SOCS6: variants seen among roughly 807,000 people sequenced by gnomAD.
SOCS6 encodes suppressor of cytokine signaling 6.
Under a neutral mutation model 27.7 loss-of-function variants are expected in SOCS6, and 5 were observed. That is an observed-to-expected ratio of 0.18 (90% CI 0.09 to 0.38). The LOEUF (loss-of-function observed/expected upper bound fraction) is 0.38. SOCS6 is among the 10% of genes least tolerant of loss of function. The pLI, the probability that SOCS6 is intolerant of heterozygous loss-of-function variation, is 1.00. For missense variants in SOCS6, 595 were observed against 688.1 expected, an observed-to-expected ratio of 0.86 and a Z score of 1.51; for synonymous variants, 271 against 260.0, an observed-to-expected ratio of 1.04 and a Z score of -0.41.
intron 1 of SOCS6, among the ~76,000 whole-genome samples, chr18:70,315,931 C>T (rs1218050285): frequency 1.3e-5 from 2 of 151,826 alleles, no homozygotes; most frequent in African/African-American, 4.8e-5. Context: ...AGTGCAGTGG[C>T]GCGATCTTGG....
Position 70,325,094 on chromosome 18 carries a change from A to G in SOCS6, c.426A>G (p.Thr142=), listed in dbSNP as rs1911145600. ...YSPAPWPLRP[T]NSEETCIKME... ...CCGCGCCGTGGCCTCTGCGGCCCACAAACTCCGAGGAGACCTGCATCAAGA... is the reference window on the plus strand; with the variant it reads ...CCGCGCCGTGGCCTCTGCGGCCCACGAACTCCGAGGAGACCTGCATCAAGA... The change falls in exon 2 of 2, where the codon ACA becomes ACG. Residue 142 remains threonine (T), a synonymous_variant. Transcript: ENST00000397942. The surrounding 1 kb of genome is among the most constrained non-coding windows in gnomAD (Gnocchi z 6.3). The G allele has an allele frequency of 1.2e-6, 2 of 1,613,986 alleles. No individual in the cohort carries two copies. The highest frequency in any genetic ancestry group is 1.7e-6 in the Non-Finnish European group (2 of 1,180,052).
In SOCS6 at chr18:70,329,468, G is replaced by T. The variant is rs983505220; in HGVS notation, c.*3192G>T. 6.0e-6 allele frequency: 1 copy of T among 167,064 alleles called. No individual in the cohort carries two copies. 10.3% of individuals were successfully genotyped at this position (167,064 alleles called of 1,614,324 possible). On this transcript the variant is annotated 3_prime_UTR_variant, in exon 2 of 2. Transcript: ENST00000397942. ...TGCAATGTCTCTGCTAGTGCTACAA[G>T]TCTAAAATATCTTTGTAACAATGCT...
At chr18:70,296,895 T>C (rs2062325546) in intron 1 of SOCS6, among the ~76,000 whole-genome samples, 1 of 118,560 alleles carries the variant, frequency 8.4e-6, no homozygotes, top group Non-Finnish European at 1.8e-5. Context: ...TTTCATTTTC[T>C]CATTTTCTTT....
intron 1 of SOCS6, among the ~76,000 whole-genome samples, chr18:70,320,560 T>C (rs777508221): frequency 2.0e-5 from 3 of 152,184 alleles, no homozygotes; most frequent in Non-Finnish European, 2.9e-5. Flanking sequence ...CAGTAAGATA[T>C]TTTGCGAGAG....
chr18:70,321,311 A>ACTT, intron 1 of SOCS6, among the ~76,000 whole-genome samples: 1 of 72,630 alleles, frequency 1.4e-5, no homozygotes. Context: ...AAATTTTCTC[A>ACTT]GTTTTTTTTT....
intron 1 of SOCS6, among the ~76,000 whole-genome samples, chr18:70,300,439 A>G (rs1261600024): frequency 2.0e-5 from 3 of 152,110 alleles, no homozygotes; most frequent in Non-Finnish European, 2.9e-5. Flanking sequence ...TCATTAATCA[A>G]TTCTTATAAG....
At chr18:70,291,905 A>C (rs1465987364) in intron 1 of SOCS6, among the ~76,000 whole-genome samples, 3 of 152,228 alleles carry the variant, frequency 2.0e-5, no homozygotes, top group Non-Finnish European at 2.9e-5. Flanking sequence ...TCAGCTGTTA[A>C]AAGAGGAACA....
chr18:70,303,531 C>T (rs2062357136), intron 1 of SOCS6, among the ~76,000 whole-genome samples: 1 of 152,134 alleles, frequency 6.6e-6, no homozygotes, highest in Non-Finnish European at 1.5e-5. Context: ...CGGTGGCTCA[C>T]ACCTGTAATC....
intron 1 of SOCS6, among the ~76,000 whole-genome samples, chr18:70,321,158 C>T (rs1031145053): frequency 2.0e-5 from 3 of 151,578 alleles, no homozygotes; most frequent in South Asian, 2.1e-4. Context: ...CCTATAGTAC[C>T]AACTGCTCAG....
rs542106064 is a variant in SOCS6 at position 70,325,266 on chromosome 18, G to C, written c.598G>C (p.Asp200His). ...GAAGAGCTCGGCTTCTCATAATGGA[G>C]ACCTGCATCTTCACCTGGATGAACA... ...SLKSSASHNG[D>H]LHLHLDEHVP... Residue 200 changes from aspartate to histidine, a missense_variant, in exon 2 of 2, where the codon GAC (aspartate) becomes CAC (histidine). By Grantham distance (81) the Asp-to-His change is moderately conservative. This residue lies in a region of SOCS6 where 467 missense variants were observed against 481.1 expected (regional missense o/e 0.97). Coordinates refer to ENST00000397942, the MANE Select transcript of SOCS6 (RefSeq NM_004232.4). This position sits in a 1 kb window ranked among gnomAD's most constrained non-coding sequence, Gnocchi z 6.3. 6.2e-7 allele frequency: 1 copy of C among 1,614,202 alleles called. No individual in the cohort carries two copies. Among genetic ancestry groups the C allele is most frequent in the Non-Finnish European group, 8.5e-7 (1 of 1,180,028 alleles).
chr18:70,321,788 G>A (rs1198259788), intron 1 of SOCS6, among the ~76,000 whole-genome samples: 1 of 152,156 alleles, frequency 6.6e-6, no homozygotes, highest in Middle Eastern at 3.2e-3. Context: ...AGGTAGGACA[G>A]GTTGGCATAG....
At chr18:70,318,836 T>C (rs1358788675) in intron 1 of SOCS6, among the ~76,000 whole-genome samples, 1 of 151,970 alleles carries the variant, frequency 6.6e-6, no homozygotes, top group Non-Finnish European at 1.5e-5. Flanking sequence ...CTCAGGAGGC[T>C]GAGGCAGGAG....
In SOCS6 at chr18:70,326,567, G is replaced by A. The variant is rs1348461573; in HGVS notation, c.*291G>A. The A allele has an allele frequency of 2.9e-5, 10 of 343,024 alleles. No homozygotes were observed. Among genetic ancestry groups the A allele is most frequent in the Admixed American group, 2.3e-4 (5 of 21,394 alleles). 21.2% of individuals were successfully genotyped at this position (343,024 alleles called of 1,614,324 possible). A position where few individuals can be genotyped will look rare whatever the true frequency, so the allele number is the denominator to read the frequency against. The stretch of plus-strand genomic sequence containing the variant: ...TCAAATTCTCCTCAATGCCCCCCCC[G>A]CCCAGTCCTTTGCTGCTATCCACTG... On this transcript the variant is annotated 3_prime_UTR_variant, in exon 2 of 2. Coordinates refer to ENST00000397942, the MANE Select transcript of SOCS6 (RefSeq NM_004232.4).
chr18:70,304,964 T>C (rs1040211432), intron 1 of SOCS6, among the ~76,000 whole-genome samples: 1 of 152,194 alleles, frequency 6.6e-6, no homozygotes, highest in African/African-American at 2.4e-5. Flanking sequence ...CCCAGCACTT[T>C]GGGATGCCGA....
chr18:70,292,065 C>T (rs2062301999), intron 1 of SOCS6, among the ~76,000 whole-genome samples: 1 of 152,156 alleles, frequency 6.6e-6, no homozygotes, highest in Non-Finnish European at 1.5e-5. Context: ...GATTTCAGGT[C>T]TTTACCCACC....
At chr18:70,323,854 A>G (rs2231550) in intron 1 of SOCS6, among the ~76,000 whole-genome samples, 10,698 of 152,288 alleles carry the variant, frequency 0.07, 1,205 homozygotes, top group African/African-American at 0.24. Context: ...GGGACATGGC[A>G]GGCAGCGGAG....
chr18:70,306,762 C>T lies in SOCS6; in HGVS notation c.-127+17672C>T, dbSNP rs933751562. Among the ~76,000 whole-genome samples, 46 of 152,228 alleles carry T rather than the reference C, an allele frequency of 3.0e-4. 1 individual carries two copies. The highest frequency in any genetic ancestry group is 1.1e-3 in the African/African-American group (45 of 41,560). ...TAGTTTGAGCAAGTTTCCTTCTGTTCTTAGCTTATAAAAAGTTTTTATCAA... is the reference window on the plus strand; with the variant it reads ...TAGTTTGAGCAAGTTTCCTTCTGTTTTTAGCTTATAAAAAGTTTTTATCAA... On this transcript the variant is annotated intron_variant, in intron 1 of 1. Transcript: ENST00000397942.
intron 1 of SOCS6, 76 bp downstream of exon 1, chr18:70,289,166 G>GA (rs1368992662): frequency 6.6e-6 from 1 of 150,468 alleles, no homozygotes; most frequent in Admixed American, 6.6e-5. Flanking sequence ...CGCGGTCCGG[G>GA]ACACGGCTGG....
intron 1 of SOCS6, among the ~76,000 whole-genome samples, chr18:70,299,112 C>T (rs2062337119): frequency 6.6e-6 from 1 of 152,022 alleles, no homozygotes; most frequent in Admixed American, 6.6e-5. Flanking sequence ...ACAAGAGCGA[C>T]CCTCCGTCTT....
Sources: allele counts gnomAD v4.1 joint callset (sites outside exome capture counted in the v4.1 genomes callset), GRCh38; gene constraint gnomAD v4.1.1; regional missense constraint gnomAD v4.1.1; non-coding constraint Gnocchi (gnomAD v3.1); transcripts MANE v1.5; gene names NCBI Gene and HGNC (gene_info 2026-07-23, HGNC 2026-07-21).